MAML2: variants seen among roughly 807,000 people sequenced by gnomAD.
MAML2 encodes the protein mastermind like transcriptional coactivator 2.
Under a neutral mutation model 96.1 loss-of-function variants are expected in MAML2, and 22 were observed. The ratio of observed to expected loss-of-function variants is 0.23; its 90% CI spans 0.16 to 0.33. MAML2 has a LOEUF of 0.33. MAML2 is among the 10% of genes least tolerant of loss of function. The pLI is 1.00. For synonymous variants in MAML2, 561 were observed against 521.3 expected (o/e 1.08, Z -1.04); for missense variants, 1,367 against 1,392.4 (o/e 0.98, Z 0.29).
rs1428922253 is a variant in MAML2 at position 95,977,407 on chromosome 11, G to A, written c.*1541C>T. ...GTGCTTCCAGACATTTTAAAGACTGGGAGACAGCTTTGCAGAATTTTCAAA... is the reference window on the plus strand; with the variant it reads ...GTGCTTCCAGACATTTTAAAGACTGAGAGACAGCTTTGCAGAATTTTCAAA... On this transcript the variant is annotated 3_prime_UTR_variant, in exon 5 of 5. Coordinates refer to ENST00000524717, the MANE Select transcript of MAML2 (RefSeq NM_032427.4). 1.1e-5 allele frequency: 2 copies of A among 189,032 alleles called. No individual in the cohort carries two copies. Among genetic ancestry groups the A allele is most frequent in the Non-Finnish European group, 2.2e-5 (2 of 89,900 alleles). The allele number at this position is 189,032 out of a possible 1,614,324, so 11.7% of individuals were successfully genotyped here.
rs150502673 is a variant in MAML2 at position 96,332,053 on chromosome 11, G to T, written c.513+9330C>A. Among the ~76,000 whole-genome samples the T allele has an allele frequency of 2.0e-3, 300 of 152,240 alleles. 1 individual carries two copies. Among genetic ancestry groups the T allele is most frequent in the African/African-American group, 7.0e-3 (292 of 41,528 alleles). ...TTGCTGTGGGTGCAGAATTTGGGAG[G>T]CAGTGAGCAATCAGAACTCCTTCCC... On this transcript the variant is annotated intron_variant, in intron 1 of 4. Transcript: ENST00000524717.
At chr11:96,147,509 T>C (rs1860839041) in intron 1 of MAML2, among the ~76,000 whole-genome samples, 1 of 152,270 alleles carries the variant, frequency 6.6e-6, no homozygotes, top group Admixed American at 6.5e-5. Flanking sequence ...AAATCGTAGA[T>C]CTGATTTATG....
chr11:96,120,175 T>C (rs1860312564), intron 1 of MAML2, among the ~76,000 whole-genome samples: 2 of 152,136 alleles, frequency 1.3e-5, no homozygotes. Context: ...GCCAGGATGG[T>C]CTCGATCTCC....
At chr11:96,290,805 C>T (rs1863197733) in intron 1 of MAML2, among the ~76,000 whole-genome samples, 1 of 152,120 alleles carries the variant, frequency 6.6e-6, no homozygotes, top group African/African-American at 2.4e-5. Context: ...CCATTCTTAA[C>T]AATAATTATG....
chr11:96,034,477 CAG>C (rs1056424451), intron 2 of MAML2, among the ~76,000 whole-genome samples: 3 of 114,326 alleles, frequency 2.6e-5, no homozygotes, highest in Non-Finnish European at 5.1e-5. Context: ...GTGTGTGTGT[CAG>C]AGAGAGATTT....
At chr11:96,012,393 T>C (rs956347354) in intron 2 of MAML2, among the ~76,000 whole-genome samples, 3 of 152,256 alleles carry the variant, frequency 2.0e-5, no homozygotes, top group Non-Finnish European at 4.4e-5. Flanking sequence ...TGTTCCTTGC[T>C]GCACGTGTTC....
intron 1 of MAML2, among the ~76,000 whole-genome samples, chr11:96,118,947 T>G (rs1319655924): frequency 1.3e-5 from 2 of 152,182 alleles, no homozygotes; most frequent in Non-Finnish European, 2.9e-5. Flanking sequence ...TCCATGATGC[T>G]TCTTTTACTC....
chr11:96,019,075 A>C (rs549034966), intron 2 of MAML2, among the ~76,000 whole-genome samples: 1 of 152,278 alleles, frequency 6.6e-6, no homozygotes, highest in African/African-American at 2.4e-5. Flanking sequence ...AAAGCAGAAA[A>C]ATAGAGAGGT....
At chr11:96,288,517 G>A (rs1246180629) in intron 1 of MAML2, among the ~76,000 whole-genome samples, 2 of 150,204 alleles carry the variant, frequency 1.3e-5, no homozygotes, top group Non-Finnish European at 3.0e-5. Flanking sequence ...ACTCCAGCTC[G>A]GGTGACAACA....
At chr11:96,263,108 G>A (rs995021179) in intron 1 of MAML2, among the ~76,000 whole-genome samples, 3 of 152,172 alleles carry the variant, frequency 2.0e-5, no homozygotes, top group Non-Finnish European at 4.4e-5. Flanking sequence ...TATAAACAAT[G>A]CATTTCTCAA....
At chr11:96,218,085 A>G (rs543206649) in intron 1 of MAML2, among the ~76,000 whole-genome samples, 116 of 152,356 alleles carry the variant, frequency 7.6e-4, no homozygotes, top group African/African-American at 2.7e-3. Context: ...TTGATATTAC[A>G]TAGGTAAATA....
intron 1 of MAML2, among the ~76,000 whole-genome samples, chr11:96,245,551 T>G (rs909684143): frequency 2.6e-5 from 4 of 152,168 alleles, no homozygotes; most frequent in Admixed American, 2.6e-4. Flanking sequence ...TATATAAACT[T>G]CTGCTTTGGT....
chr11:96,175,748 G>A (rs993736751), intron 1 of MAML2, among the ~76,000 whole-genome samples: 2 of 152,048 alleles, frequency 1.3e-5, no homozygotes, highest in African/African-American at 4.8e-5. Context: ...CCGCCACCAT[G>A]CCTGGCTATT....
intron 1 of MAML2, among the ~76,000 whole-genome samples, chr11:96,291,818 G>A (rs935382929): frequency 6.6e-6 from 1 of 152,200 alleles, no homozygotes; most frequent in African/African-American, 2.4e-5. Flanking sequence ...GTATGTCTGC[G>A]GTTGTAGAGA....
chr11:96,133,855 G>A (rs979399610), intron 1 of MAML2, among the ~76,000 whole-genome samples: 6 of 152,130 alleles, frequency 3.9e-5, no homozygotes, highest in Admixed American at 1.3e-4. Context: ...TTAGCTGGGC[G>A]TGATGGCATG....
rs1021636147 is a variant in MAML2 at position 96,092,716 on chromosome 11, T to A, written c.1315A>T (p.Ile439Leu). 8.7e-6 allele frequency: 14 copies of A among 1,613,972 alleles called. No homozygotes were observed. Among genetic ancestry groups the A allele is most frequent in the Non-Finnish European group, 1.2e-5 (14 of 1,179,896 alleles). Residue 439 changes from isoleucine to leucine, a missense_variant, in exon 2 of 5, where the codon ATA becomes TTA. Physicochemically the swap from Ile to Leu is conservative, Grantham distance 5. Coordinates refer to ENST00000524717, the MANE Select transcript of MAML2 (RefSeq NM_032427.4). This position sits in a 1 kb window ranked among gnomAD's most constrained non-coding sequence, Gnocchi z 4.1. The part of the protein sequence containing the change: ...EVSHAQQLKQ[I>L]AANRQQHARM... Reference sequence around the variant, plus strand: ...GCATGCTGCTGACGATTAGCAGCTATCTGTTTGAGCTGCTGGGCATGGGAT... The same window carrying A: ...GCATGCTGCTGACGATTAGCAGCTAACTGTTTGAGCTGCTGGGCATGGGAT...
chr11:96,209,226 T>C (rs980355929), intron 1 of MAML2, among the ~76,000 whole-genome samples: 2 of 107,488 alleles, frequency 1.9e-5, no homozygotes, highest in African/African-American at 7.3e-5. Flanking sequence ...GTAACTTTTT[T>C]TGGGTGGGGG....
chr11:96,292,782 T>A (rs1223833725), intron 1 of MAML2, among the ~76,000 whole-genome samples: 1 of 152,216 alleles, frequency 6.6e-6, no homozygotes, highest in East Asian at 1.9e-4. Flanking sequence ...GGTAGGCATA[T>A]TCATGAATAA....
In MAML2 at chr11:96,151,166, T is replaced by C. The variant is rs182578566; in HGVS notation, c.514-57649A>G. Among the ~76,000 whole-genome samples, 9 of 152,272 alleles carry C rather than the reference T, an allele frequency of 5.9e-5. No homozygotes were observed. In the East Asian group the frequency reaches 1.7e-3, roughly 29 times the overall value. ...TTTCTTCTAGCCTACCGGGACACTT[T>C]CCTTTTTCAGAACATGCTCCATCCA... On this transcript the variant is annotated intron_variant, in intron 1 of 4. Transcript: ENST00000524717.
Sources: allele counts gnomAD v4.1 joint callset (sites outside exome capture counted in the v4.1 genomes callset), GRCh38; gene constraint gnomAD v4.1.1; non-coding constraint Gnocchi (gnomAD v3.1); transcripts MANE v1.5; gene names NCBI Gene and HGNC (gene_info 2026-07-23, HGNC 2026-07-21).